The following MBNL2 variants were observed in gnomAD, a reference collection of about 807,000 sequenced individuals.
The protein encoded by MBNL2 is muscleblind like splicing regulator 2.
Under a neutral mutation model 41.9 loss-of-function variants are expected in MBNL2, and 17 were observed. That is an observed-to-expected ratio of 0.41 (90% CI 0.28 to 0.61). The LOEUF (loss-of-function observed/expected upper bound fraction) is 0.61, where lower values mean the gene tolerates loss of function less well. MBNL2 is among the 20% of genes least tolerant of loss of function. MBNL2 has a pLI of 0.35. For synonymous variants in MBNL2, 195 were observed against 182.9 expected, an observed-to-expected ratio of 1.07 and a Z score of -0.53; for missense variants, 336 against 505.6, an observed-to-expected ratio of 0.66 and a Z score of 3.22.
chr13:97,351,749 C>T (rs1039993877), intron 5 of MBNL2, among the ~76,000 whole-genome samples: 3 of 152,124 alleles, frequency 2.0e-5, no homozygotes, highest in African/African-American at 4.8e-5. Context: ...TTTCGGCCAG[C>T]GTGGTAGCTC....
the MBNL2 span, among the ~76,000 whole-genome samples, chr13:97,158,787 AC>A: frequency 1.3e-5 from 2 of 152,026 alleles, no homozygotes; most frequent in Non-Finnish European, 2.9e-5. Flanking sequence ...CTCTTCTTTT[AC>A]ATTTGCTGAG....
At position 97,366,318 on chromosome 13, in the gene MBNL2, T is replaced by C; in HGVS notation, c.1048+1147T>C. On this transcript the variant is annotated intron_variant, in intron 8 of 8. Coordinates refer to ENST00000679496, the MANE Select transcript of MBNL2 (RefSeq NM_001382683.1). The surrounding 1 kb of genome is among the most constrained non-coding windows in gnomAD (Gnocchi z 4.7). The stretch of plus-strand genomic sequence containing the variant: ...TTATTTCTCTCCCATGCTTCCTTGC[T>C]TTGCATTGTGATTGCATGCCATCTG... 1 of 586,648 alleles carries C rather than the reference T, an allele frequency of 1.7e-6. No homozygotes were observed. The highest frequency in any genetic ancestry group is 2.7e-5 in the East Asian group (1 of 36,880). 36.3% of individuals were successfully genotyped at this position (586,648 alleles called of 1,614,324 possible).
chr13:97,388,314 C>T (rs375236183), intron 8 of MBNL2, among the ~76,000 whole-genome samples: 97 of 139,720 alleles, frequency 6.9e-4, no homozygotes, highest in Non-Finnish European at 8.2e-4. Context: ...TACATACATA[C>T]ATATATATAT....
chr13:97,298,570 C>A (rs1448405310), intron 2 of MBNL2, among the ~76,000 whole-genome samples: 1 of 152,164 alleles, frequency 6.6e-6, no homozygotes, highest in African/African-American at 2.4e-5. Flanking sequence ...CCAAGTTAAC[C>A]CATGCTGTTT....
intron 8 of MBNL2, 33 bp from the exon 9 acceptor site, chr13:97,391,289 T>C (rs774690645): frequency 4.3e-6 from 4 of 924,978 alleles, no homozygotes; most frequent in Non-Finnish European, 7.2e-6. Flanking sequence ...CCCAGAAGGA[T>C]ACCTAAATCA....
chr13:97,186,795 A>T, the MBNL2 span, among the ~76,000 whole-genome samples: 5 of 152,178 alleles, frequency 3.3e-5, no homozygotes, highest in African/African-American at 1.2e-4. Flanking sequence ...ACTTCAAATG[A>T]TCATTCTGTA....
chr13:97,162,958 A>G, the MBNL2 span, among the ~76,000 whole-genome samples: 2 of 152,164 alleles, frequency 1.3e-5, no homozygotes, highest in Non-Finnish European at 2.9e-5. Context: ...TAGGAACCAG[A>G]TTCTGAGGTT....
the MBNL2 span, chr13:97,179,643 C>T: frequency 1.3e-5 from 2 of 152,194 alleles, no homozygotes; most frequent in Non-Finnish European, 1.5e-5. Context: ...CACCAGGTTC[C>T]CTTGAACTAT....
intron 7 of MBNL2, among the ~76,000 whole-genome samples, chr13:97,360,591 A>C (rs2063318075): frequency 6.6e-6 from 1 of 152,150 alleles, no homozygotes; most frequent in African/African-American, 2.4e-5. Context: ...ACATTATCTC[A>C]TTATTCTTCA....
At chr13:97,319,681 T>C (rs1594205025) in intron 2 of MBNL2, among the ~76,000 whole-genome samples, 1 of 152,196 alleles carries the variant, frequency 6.6e-6, no homozygotes, top group East Asian at 1.9e-4. Context: ...CCATGCAATT[T>C]TAATATCAAG....
At chr13:97,233,908 T>C (rs1429411391) in intron 1 of MBNL2, among the ~76,000 whole-genome samples, 1 of 152,114 alleles carries the variant, frequency 6.6e-6, no homozygotes, top group Non-Finnish European at 1.5e-5. Context: ...GGAAGAACTT[T>C]TTCACATTAC....
chr13:97,383,216 G>A (rs948617496), intron 8 of MBNL2, among the ~76,000 whole-genome samples: 2 of 152,208 alleles, frequency 1.3e-5, no homozygotes, highest in African/African-American at 4.8e-5. Context: ...GATTGAAGGA[G>A]ACTGTCTGGA....
At chr13:97,177,644 T>A in the MBNL2 span, among the ~76,000 whole-genome samples, 1 of 152,182 alleles carries the variant, frequency 6.6e-6, no homozygotes, top group African/African-American at 2.4e-5. Flanking sequence ...ACAAATAATA[T>A]GAATATTTTT....
intron 2 of MBNL2, among the ~76,000 whole-genome samples, chr13:97,325,657 G>A (rs1029075464): frequency 6.6e-6 from 1 of 152,184 alleles, no homozygotes; most frequent in Admixed American, 6.5e-5. Context: ...TTGAGCCCAG[G>A]AGGTCGAGAC....
At chr13:97,153,694 A>G in the MBNL2 span, among the ~76,000 whole-genome samples, 2 of 152,200 alleles carry the variant, frequency 1.3e-5, no homozygotes, top group African/African-American at 2.4e-5. Flanking sequence ...ATCAAAGCAT[A>G]ATATGTACCT....
intron 8 of MBNL2, among the ~76,000 whole-genome samples, chr13:97,390,640 G>A (rs1440159700): frequency 6.6e-6 from 1 of 152,126 alleles, no homozygotes; most frequent in Non-Finnish European, 1.5e-5. Flanking sequence ...AGACTCAAGG[G>A]ACCACAGCTT....
the MBNL2 span, among the ~76,000 whole-genome samples, chr13:97,157,827 G>C: frequency 6.6e-6 from 1 of 151,864 alleles, no homozygotes; most frequent in Non-Finnish European, 1.5e-5. Context: ...TTGCATCAAT[G>C]TTCATCAAGG....
At chr13:97,374,542 C>T (rs573285015) in intron 8 of MBNL2, among the ~76,000 whole-genome samples, 1 of 151,754 alleles carries the variant, frequency 6.6e-6, no homozygotes, top group Admixed American at 6.6e-5. Flanking sequence ...TATAGTCGCC[C>T]GCCACCACGC....
At chr13:97,379,310 C>T (rs1222417682) in intron 8 of MBNL2, among the ~76,000 whole-genome samples, 2 of 152,164 alleles carry the variant, frequency 1.3e-5, no homozygotes, top group African/African-American at 4.8e-5. Flanking sequence ...ATTCACTCTT[C>T]CCAGGGTGGG....
Sources: allele counts gnomAD v4.1 joint callset (sites outside exome capture counted in the v4.1 genomes callset), GRCh38; gene constraint gnomAD v4.1.1; non-coding constraint Gnocchi (gnomAD v3.1); transcripts MANE v1.5; gene names NCBI Gene and HGNC (gene_info 2026-07-23, HGNC 2026-07-21).